Variants in SETBP1 observed in about 807,000 individuals in gnomAD.
SETBP1 encodes the protein SET binding protein 1.
A neutral mutation model predicts 101.0 loss-of-function variants in SETBP1; 9 were observed. The observed-to-expected ratio is 0.09, with a 90% CI of 0.05 to 0.16. The LOEUF (loss-of-function observed/expected upper bound fraction) is 0.16, where lower values mean the gene tolerates loss of function less well. Among genes scored for constraint, SETBP1 ranks in the 10% least tolerant of loss-of-function variants. SETBP1 has a pLI of 1.00. For synonymous variants in SETBP1, 818 were observed against 788.5 expected, an observed-to-expected ratio of 1.04 and a Z score of -0.63; for missense variants, 1,858 against 2,033.8, an observed-to-expected ratio of 0.91 and a Z score of 1.66.
At chr18:44,875,073 C>T (rs923441498) in intron 3 of SETBP1, among the ~76,000 whole-genome samples, 14 of 152,130 alleles carry the variant, frequency 9.2e-5, no homozygotes, top group African/African-American at 2.7e-4. Context: ...GAGAGTCTTC[C>T]GACAGCTCTT....
chr18:44,861,551 A>T (rs1339472721), intron 2 of SETBP1, among the ~76,000 whole-genome samples: 1 of 152,052 alleles, frequency 6.6e-6, no homozygotes, highest in Admixed American at 6.6e-5. Flanking sequence ...GGACAACCTG[A>T]TAGAGCTCCC....
chr18:45,057,948 C>T (rs979371377), intron 5 of SETBP1, among the ~76,000 whole-genome samples: 1 of 152,182 alleles, frequency 6.6e-6, no homozygotes, highest in Non-Finnish European at 1.5e-5. Flanking sequence ...TCTCTAGTTA[C>T]CATAAACGAC....
At position 45,034,534 on chromosome 18, in the gene SETBP1, TA is replaced by T. The variant is rs79405591; in HGVS notation, c.4001-3939del. Among the ~76,000 whole-genome samples, 1,201 of 150,984 alleles carry T rather than the reference TA, an allele frequency of 8.0e-3. 4 individuals carry two copies. Among genetic ancestry groups the T allele is most frequent in the African/African-American group, 0.014 (557 of 41,148 alleles). ...TACAGCACAGTTTCAGAGACTTTTT[TA>T]AAAAAAAAAAATTATCAATAGAGGT... On this transcript the variant is annotated intron_variant, in intron 4 of 5. Transcript: ENST00000649279.
intron 3 of SETBP1, among the ~76,000 whole-genome samples, chr18:44,918,929 G>A (rs569431865): frequency 6.6e-6 from 1 of 152,176 alleles, no homozygotes; most frequent in Non-Finnish European, 1.5e-5. Context: ...ACTTCCAGCA[G>A]ACTCTTCTCC....
chr18:44,681,800 G>A (rs563614994), intron 1 of SETBP1, among the ~76,000 whole-genome samples: 4 of 152,190 alleles, frequency 2.6e-5, no homozygotes, highest in African/African-American at 7.2e-5. Flanking sequence ...ATTCGTTTCC[G>A]TTTCAAATAA....
chr18:44,755,385 C>T (rs1276042398), intron 2 of SETBP1, among the ~76,000 whole-genome samples: 1 of 152,106 alleles, frequency 6.6e-6, no homozygotes, highest in East Asian at 1.9e-4. Flanking sequence ...AAATGTGAGG[C>T]ATCATCCAAT....
chr18:44,952,864 C>T lies in SETBP1; in HGVS notation c.3524C>T (p.Ala1175Val), dbSNP rs570098143. The T allele has an allele frequency of 6.2e-7, 1 of 1,614,140 alleles. No homozygotes were observed. The highest frequency in any genetic ancestry group is 2.2e-5 in the East Asian group (1 of 44,862). Reference sequence around the variant, plus strand: ...CATGACAACCTGAGTGGTCTTTTTGCAGGCAAAGCCACAGGCTTCTCCAGC... The same window carrying T: ...CATGACAACCTGAGTGGTCTTTTTGTAGGCAAAGCCACAGGCTTCTCCAGC... ...GTHDNLSGLF[A>V]GKATGFSSHI... Residue 1175 changes from alanine (A) to valine (V), a missense_variant, in exon 4 of 6, where the codon GCA becomes GTA. Ala to Val is a moderately conservative substitution (Grantham distance 64). Coordinates refer to ENST00000649279, the MANE Select transcript of SETBP1 (RefSeq NM_015559.3).
At chr18:44,988,015 G>A (rs1423659082) in intron 4 of SETBP1, 1 of 152,004 alleles carries the variant, frequency 6.6e-6, no homozygotes, top group African/African-American at 2.4e-5. Flanking sequence ...CCTAAGATAA[G>A]CAATTCTTAA....
At chr18:45,009,467 A>T (rs1278646970) in intron 4 of SETBP1, among the ~76,000 whole-genome samples, 1 of 151,610 alleles carries the variant, frequency 6.6e-6, no homozygotes, top group African/African-American at 2.4e-5. Flanking sequence ...GAGGGTATGG[A>T]AGATTGTAAC....
At chr18:45,062,417 CA>C in intron 5 of SETBP1, among the ~76,000 whole-genome samples, 1 of 152,288 alleles carries the variant, frequency 6.6e-6, no homozygotes, top group South Asian at 2.1e-4. Context: ...TAGTCCAGAA[CA>C]CTGGGGGAAA....
chr18:44,973,240 G>A (rs1004430336), intron 4 of SETBP1, among the ~76,000 whole-genome samples: 1 of 152,180 alleles, frequency 6.6e-6, no homozygotes, highest in Non-Finnish European at 1.5e-5. Context: ...CTTGATCATG[G>A]TGGATAAGCT....
intron 4 of SETBP1, among the ~76,000 whole-genome samples, chr18:44,982,093 A>G (rs1056357206): frequency 2.0e-5 from 3 of 152,356 alleles, no homozygotes; most frequent in Admixed American, 6.5e-5. Context: ...AAGCCTCTCA[A>G]TTGCTTGATT....
intron 3 of SETBP1, among the ~76,000 whole-genome samples, chr18:44,922,326 T>C (rs1369131331): frequency 1.3e-5 from 2 of 152,216 alleles, no homozygotes; most frequent in Non-Finnish European, 2.9e-5. Flanking sequence ...ATCTCACATG[T>C]AGTAACCATA....
chr18:44,833,101 G>A (rs2144472415), intron 2 of SETBP1, among the ~76,000 whole-genome samples: 1 of 152,280 alleles, frequency 6.6e-6, no homozygotes, highest in South Asian at 2.1e-4. Context: ...CCACAGGCTG[G>A]GCATGACGTA....
chr18:45,059,583 G>A (rs540249209), intron 5 of SETBP1, among the ~76,000 whole-genome samples: 1 of 152,306 alleles, frequency 6.6e-6, no homozygotes, highest in East Asian at 1.9e-4. Flanking sequence ...GAATCCCTGT[G>A]TGTCTTCTGT....
intron 3 of SETBP1, among the ~76,000 whole-genome samples, chr18:44,929,810 G>A (rs538076465): frequency 6.6e-6 from 1 of 152,274 alleles, no homozygotes; most frequent in Non-Finnish European, 1.5e-5. Context: ...TGCTGAAGTT[G>A]CTTATCAGCT....
At chr18:44,983,480 G>A (rs929051970) in intron 4 of SETBP1, among the ~76,000 whole-genome samples, 8 of 152,172 alleles carry the variant, frequency 5.3e-5, no homozygotes, top group African/African-American at 1.9e-4. Context: ...CAAGGTCATA[G>A]AGCCCACATG....
chr18:44,988,035 A>G (rs1377584191), intron 4 of SETBP1: 3 of 152,148 alleles, frequency 2.0e-5, no homozygotes, highest in African/African-American at 7.2e-5. Flanking sequence ...ACCTTTTTTT[A>G]AAAGGTTACA....
intron 4 of SETBP1, among the ~76,000 whole-genome samples, chr18:44,960,304 C>T (rs769789808): frequency 2.0e-4 from 30 of 152,072 alleles, no homozygotes; most frequent in Admixed American, 5.2e-4. Flanking sequence ...TCCCGTACTC[C>T]GAGGCTTGTG....
Sources: allele counts gnomAD v4.1 joint callset (sites outside exome capture counted in the v4.1 genomes callset), GRCh38; gene constraint gnomAD v4.1.1; transcripts MANE v1.5; gene names NCBI Gene and HGNC (gene_info 2026-07-23, HGNC 2026-07-21).